PDLIM2: variants seen among roughly 807,000 people sequenced by gnomAD.
PDLIM2 encodes the protein PDZ and LIM domain 2.
A neutral mutation model predicts 54.1 loss-of-function variants in PDLIM2; 51 were observed. That is an observed-to-expected ratio of 0.94 (90% CI 0.75 to 1.19). The LOEUF (loss-of-function observed/expected upper bound fraction) is 1.19. PDLIM2 is among the 50% of genes most tolerant of loss of function. The pLI is 0.00. For synonymous variants in PDLIM2, 398 were observed against 385.6 expected (o/e 1.03, Z -0.38); for missense variants, 912 against 874.0 (o/e 1.04, Z -0.55).
intron 9 of PDLIM2, chr8:22,592,556 T>C (rs946897218): frequency 3.3e-5 from 5 of 152,154 alleles, no homozygotes; most frequent in Non-Finnish European, 7.3e-5. Context: ...ATCTGCAGAG[T>C]GGGAGAATAT....
chr8:22,585,633 G>GCGCCCCTCCCCT, intron 6 of PDLIM2: 2 of 51,050 alleles, frequency 3.9e-5, no homozygotes, highest in African/African-American at 4.3e-4. Context: ...TCCATCTCCT[G>GCGCCCCTCCCCT]CACCCCTCCC....
intron 6 of PDLIM2, among the ~76,000 whole-genome samples, chr8:22,587,500 CCCCTG>C (rs1187011517): frequency 6.6e-6 from 1 of 152,118 alleles, no homozygotes; most frequent in Admixed American, 6.5e-5. Flanking sequence ...TACCCCTGAC[CCCCTG>C]CCCTGCCCTG....
At position 22,579,399 on chromosome 8, in the gene PDLIM2, T is replaced by C. The variant is rs1295570225; in HGVS notation, c.620T>C (p.Leu207Pro). 2.4e-5 allele frequency: 37 copies of C among 1,510,760 alleles called. No homozygotes were observed. The highest frequency in any genetic ancestry group is 3.1e-5 in the Non-Finnish European group (35 of 1,136,670). The allele number at this position is 1,510,760 out of a possible 1,614,324, so 93.6% of individuals were successfully genotyped here. Residue 207 changes from leucine (L) to proline (P), a missense_variant, in exon 1 of 10, where the codon CTC (leucine) becomes CCC (proline). Leu to Pro is a moderately conservative substitution (Grantham distance 98). Coordinates refer to ENST00000308354, the Ensembl canonical transcript of PDLIM2. ...CTCTCCCCGGCCGGAGCGCTCCTCC[T>C]CCAGCCCCCAGCCCGCAGGGTACTT...
intron 8 of PDLIM2, 145 bp from the exon 8 acceptor site, chr8:22,591,406 C>A: frequency 1.4e-6 from 1 of 729,788 alleles, no homozygotes. Flanking sequence ...GCAAGATCAC[C>A]TTCCTCCTTA....
At chr8:22,589,471 C>T in intron 7 of PDLIM2, 97 bp downstream of exon 6, 2 of 1,528,110 alleles carry the variant, frequency 1.3e-6, no homozygotes, top group Admixed American at 2.0e-5. Context: ...GTCCCCCAAG[C>T]CCAGTTGGCT....
downstream of PDLIM2, chr8:22,596,472 G>A (rs1800686122): frequency 6.6e-6 from 1 of 152,200 alleles, no homozygotes; most frequent in African/African-American, 2.4e-5. Flanking sequence ...GTCAGCAGAG[G>A]AGGCTGGGGA....
rs750541016 is a variant in PDLIM2, at chr8:22,589,394, G to T, written c.1367+20G>T. ...GCCCAGGTACCAGCAGGCCCCGGAGGGTCGGGTTGGGGTCTTGGAAGGCTG... is the reference window on the plus strand; with the variant it reads ...GCCCAGGTACCAGCAGGCCCCGGAGTGTCGGGTTGGGGTCTTGGAAGGCTG... On this transcript the variant is annotated intron_variant, in intron 7 of 9. Transcript: ENST00000308354. 7.2e-6 allele frequency: 11 copies of T among 1,535,934 alleles called. No homozygotes were observed. The highest frequency in any genetic ancestry group is 7.0e-6 in the Non-Finnish European group (8 of 1,145,752).
rs1563854289 is a variant in PDLIM2, at chr8:22,578,945, CG to C, written c.168del (p.Ser57ArgfsTer197). ...GAGGATGCGGGCACCACCGGCTGGACGGTCGCAGCCTGCAGGGGGCCCTGGG... is the reference window on the plus strand; with the variant it reads ...GAGGATGCGGGCACCACCGGCTGGACGTCGCAGCCTGCAGGGGGCCCTGGG... On this transcript the variant is annotated frameshift_variant, in exon 1 of 10. Transcript: ENST00000308354. LOFTEE classifies it high-confidence loss of function. The C allele has an allele frequency of 4.0e-6, 5 of 1,238,234 alleles. No homozygotes were observed. The allele number at this position is 1,238,234 out of a possible 1,614,324, so 76.7% of individuals were successfully genotyped here. A position where few individuals can be genotyped will look rare whatever the true frequency, so the allele number is the denominator to read the frequency against.
At chr8:22,589,491 C>T (rs894789697) in intron 7 of PDLIM2, 105 bp from the exon 7 acceptor site, 1 of 1,528,256 alleles carries the variant, frequency 6.5e-7, no homozygotes, top group East Asian at 2.5e-5. Flanking sequence ...TCCTCCACCT[C>T]CCAGATTCCT....
chr8:22,596,819 C>T (rs1161653238), downstream of PDLIM2: 4 of 152,186 alleles, frequency 2.6e-5, no homozygotes, highest in East Asian at 1.9e-4. Flanking sequence ...ATCCTCACAA[C>T]CCGAGATAGG....
At chr8:22,594,073 G>T in exon 10 of PDLIM2, 1 of 1,438,170 alleles carries the variant, frequency 7.0e-7, no homozygotes, top group Non-Finnish European at 9.1e-7. Flanking sequence ...GACCTGTCTT[G>T]GACTGTGGGA....
intron 9 of PDLIM2, 170 bp from the exon 9 acceptor site, chr8:22,593,563 G>GCAA (rs1487424210): frequency 5.2e-6 from 3 of 582,212 alleles, no homozygotes; most frequent in African/African-American, 2.4e-5. Flanking sequence ...GGCAACAAGA[G>GCAA]CAAAACTCCA....
At chr8:22,579,323 G>A (rs1304603397) in exon 1 of PDLIM2, 2 of 1,425,402 alleles carry the variant, frequency 1.4e-6, no homozygotes, top group African/African-American at 1.5e-5. Context: ...CCTCGTCCGC[G>A]GCCCAGCTCC....
chr8:22,593,127 G>A (rs1031151107), intron 9 of PDLIM2: 8 of 152,450 alleles, frequency 5.2e-5, no homozygotes, highest in African/African-American at 1.9e-4. Flanking sequence ...GTCCACCTGG[G>A]ATCCTAGGCA....
At chr8:22,590,468 C>A (rs901957964) in intron 8 of PDLIM2, 5 of 152,336 alleles carry the variant, frequency 3.3e-5, no homozygotes, top group African/African-American at 1.2e-4. Flanking sequence ...GGCAGATGGG[C>A]CTGGCCAGCT....
At chr8:22,591,218 C>T (rs78725132) in intron 8 of PDLIM2, 5,929 of 334,318 alleles carry the variant, frequency 0.018, 332 homozygotes, top group African/African-American at 0.11. Flanking sequence ...CGAGGCATTG[C>T]GCTCCTGTTG....
chr8:22,592,252 T>C (rs777839145), intron 9 of PDLIM2: 1 of 152,032 alleles, frequency 6.6e-6, no homozygotes, highest in African/African-American at 2.4e-5. Flanking sequence ...CAGCTAATTT[T>C]TGTATTTTTA....
At chr8:22,585,045 A>C (rs867014904) in exon 5 of PDLIM2, 2 of 1,614,016 alleles carry the variant, frequency 1.2e-6, no homozygotes, top group Middle Eastern at 1.7e-4. Context: ...ACTGAGAGTC[A>C]GTCCTCCTTA....
At chr8:22,596,095 C>A (rs1800678721), downstream of PDLIM2, 1 of 152,304 alleles carries the variant, frequency 6.6e-6, no homozygotes, top group Non-Finnish European at 1.5e-5. Flanking sequence ...CTTGCCCAGC[C>A]TCTGGGAACA....
Sources: allele counts gnomAD v4.1 joint callset (sites outside exome capture counted in the v4.1 genomes callset), GRCh38; gene constraint gnomAD v4.1.1; transcripts MANE v1.5; gene names NCBI Gene and HGNC (gene_info 2026-07-23, HGNC 2026-07-21).